Variants in CTNNA3 observed in about 807,000 individuals in gnomAD.
The protein encoded by CTNNA3 is catenin alpha 3.
In CTNNA3, 76 loss-of-function variants were observed where a neutral mutation model predicts 95.7. The ratio of observed to expected loss-of-function variants is 0.79; its 90% CI spans 0.66 to 0.96. The LOEUF (loss-of-function observed/expected upper bound fraction) is 0.96, where lower values mean the gene tolerates loss of function less well. Ranked by LOEUF, CTNNA3 falls within the 40% of genes least tolerant of loss-of-function variation. CTNNA3 has a pLI of 0.00. For missense variants in CTNNA3, 1,191 were observed against 1,089.8 expected, an observed-to-expected ratio of 1.09 and a Z score of -1.31; for synonymous variants, 431 against 374.4, an observed-to-expected ratio of 1.15 and a Z score of -1.74.
chr10:67,139,910 C>G lies in CTNNA3; in HGVS notation c.1047+40407G>C, dbSNP rs180910688. Among the ~76,000 whole-genome samples, 194 of 152,276 alleles carry G rather than the reference C, an allele frequency of 1.3e-3. 1 individual carries two copies. Among genetic ancestry groups the G allele is most frequent in the Admixed American group, 2.7e-3 (42 of 15,300 alleles). ...AGCTTCCATTAACTCAAAGGGAAAT[C>G]TCTGAGAAGTATTAATGTTTCCTAA... On this transcript the variant is annotated intron_variant, in intron 7 of 17. Coordinates refer to ENST00000433211, the MANE Select transcript of CTNNA3 (RefSeq NM_013266.4).
intron 15 of CTNNA3, among the ~76,000 whole-genome samples, chr10:66,044,648 T>C (rs1464513410): frequency 6.6e-6 from 1 of 152,174 alleles, no homozygotes; most frequent in East Asian, 1.9e-4. Flanking sequence ...AACTTTTTCA[T>C]CGTCCAGCTA....
chr10:67,329,747 A>G (rs1274840336), intron 5 of CTNNA3, among the ~76,000 whole-genome samples: 1 of 152,238 alleles, frequency 6.6e-6, no homozygotes, highest in Non-Finnish European at 1.5e-5. Context: ...TTAAGTAGGT[A>G]TGAAATGAGC....
At chr10:66,930,476 C>G (rs182666044) in intron 7 of CTNNA3, among the ~76,000 whole-genome samples, 147 of 152,172 alleles carry the variant, frequency 9.7e-4, no homozygotes, top group African/African-American at 3.3e-3. Flanking sequence ...CTTTGGCTAG[C>G]CTCATTTTTA....
intron 1 of CTNNA3, among the ~76,000 whole-genome samples, chr10:67,724,802 G>T (rs550328703): frequency 6.6e-6 from 1 of 152,184 alleles, no homozygotes; most frequent in African/African-American, 2.4e-5. Flanking sequence ...GCATAAATTT[G>T]CTGCCTTCAT....
At chr10:66,807,348 A>C (rs1564696061) in intron 7 of CTNNA3, among the ~76,000 whole-genome samples, 1 of 152,010 alleles carries the variant, frequency 6.6e-6, no homozygotes, top group Non-Finnish European at 1.5e-5. Flanking sequence ...CTTATTCTCC[A>C]TTTTCTACAT....
intron 11 of CTNNA3, among the ~76,000 whole-genome samples, chr10:66,432,267 C>A (rs1396736678): frequency 6.6e-6 from 1 of 152,030 alleles, no homozygotes; most frequent in African/African-American, 2.4e-5. Flanking sequence ...CAGAAGAAAG[C>A]CACAATTAAA....
intron 5 of CTNNA3, among the ~76,000 whole-genome samples, chr10:67,312,500 G>A (rs1371225732): frequency 6.6e-6 from 1 of 152,220 alleles, no homozygotes; most frequent in Non-Finnish European, 1.5e-5. Context: ...ATTCTACACA[G>A]AGGGAGGAAA....
At chr10:66,433,068 T>C (rs530547101) in intron 11 of CTNNA3, among the ~76,000 whole-genome samples, 2 of 152,306 alleles carry the variant, frequency 1.3e-5, no homozygotes, top group East Asian at 3.9e-4. Flanking sequence ...TTTGGGTTGG[T>C]TCCAAGTCTT....
intron 9 of CTNNA3, among the ~76,000 whole-genome samples, chr10:66,749,014 A>AAG (rs1168156804): frequency 6.6e-6 from 1 of 151,390 alleles, no homozygotes; most frequent in East Asian, 1.9e-4. Flanking sequence ...TCTTCCAAAA[A>AAG]AAAAAAAATA....
In CTNNA3 at chr10:66,904,874, G is replaced by T. The variant is rs569490086; in HGVS notation, c.1048-129350C>A. ...ATCATTAAAAAGTCAGGAAACAACAGATGCTGGAGAGGATGTGGAGAAATA... is the reference window on the plus strand; with the variant it reads ...ATCATTAAAAAGTCAGGAAACAACATATGCTGGAGAGGATGTGGAGAAATA... On this transcript the variant is annotated intron_variant, in intron 7 of 17. Coordinates refer to ENST00000433211, the MANE Select transcript of CTNNA3 (RefSeq NM_013266.4). Among the ~76,000 whole-genome samples the T allele has an allele frequency of 2.6e-5, 4 of 152,284 alleles. No individual in the cohort carries two copies. In the East Asian group the frequency reaches 7.7e-4, roughly 29 times the overall value.
intron 5 of CTNNA3, among the ~76,000 whole-genome samples, chr10:67,491,439 C>T (rs974299218): frequency 1.6e-4 from 25 of 152,108 alleles, no homozygotes; most frequent in African/African-American, 5.8e-4. Context: ...GAAATCCTTT[C>T]GAAACACCAT....
At chr10:67,396,304 C>G (rs1353334878) in intron 5 of CTNNA3, among the ~76,000 whole-genome samples, 1 of 151,974 alleles carries the variant, frequency 6.6e-6, no homozygotes, top group East Asian at 1.9e-4. Flanking sequence ...AAAGAACATT[C>G]AAATAAAATA....
intron 9 of CTNNA3, among the ~76,000 whole-genome samples, chr10:66,644,128 C>A (rs1845610011): frequency 6.6e-6 from 1 of 151,806 alleles, no homozygotes; most frequent in Admixed American, 6.6e-5. Flanking sequence ...CATGGTGGCA[C>A]ATGCCTGTAG....
At chr10:67,718,990 T>A (rs1015982479) in intron 1 of CTNNA3, among the ~76,000 whole-genome samples, 8 of 152,184 alleles carry the variant, frequency 5.3e-5, no homozygotes, top group Admixed American at 2.6e-4. Flanking sequence ...AACTTGTTAT[T>A]GGTCTATTCA....
At position 67,647,596 on chromosome 10, in the gene CTNNA3, T is replaced by C. The variant is rs1040915516; in HGVS notation, c.-5-78A>G. On this transcript the variant is annotated intron_variant, in intron 1 of 17. Transcript: ENST00000433211. ...GAAGAACACTTATGAAATCATGGAA[T>C]AGGTAAAACTTGTATTCAGCACCTC... The C allele has an allele frequency of 2.2e-5, 26 of 1,166,326 alleles. 1 individual carries two copies. Among genetic ancestry groups the C allele is most frequent in the African/African-American group, 4.6e-5 (3 of 65,520 alleles). 72.2% of individuals were successfully genotyped at this position (1,166,326 alleles called of 1,614,324 possible).
chr10:66,777,777 ACACACACACACACACACACATG>A (rs1400690850), intron 7 of CTNNA3, among the ~76,000 whole-genome samples: 1 of 123,500 alleles, frequency 8.1e-6, no homozygotes, highest in African/African-American at 2.8e-5. Flanking sequence ...ACACACACAC[ACACACACACACACACACACATG>A]CACACACACA....
At chr10:67,553,659 G>C (rs1465455811) in intron 3 of CTNNA3, among the ~76,000 whole-genome samples, 1 of 151,870 alleles carries the variant, frequency 6.6e-6, no homozygotes, top group South Asian at 2.1e-4. Flanking sequence ...GGATGGAAGA[G>C]ATATACAAAA....
At chr10:66,362,779 T>G (rs2092686071) in intron 12 of CTNNA3, among the ~76,000 whole-genome samples, 1 of 152,104 alleles carries the variant, frequency 6.6e-6, no homozygotes, top group African/African-American at 2.4e-5. Flanking sequence ...TCAGATAGCT[T>G]TGCTCTGAGA....
Position 66,055,657 on chromosome 10 carries a change from C to T in CTNNA3, c.2159+13651G>A, listed in dbSNP as rs189550600. 7.5e-4 allele frequency among the ~76,000 whole-genome samples: 114 copies of T among 152,214 alleles called. 1 individual carries two copies. The East Asian group carries it at 0.017, about 23-fold the overall frequency. ...ATAAAAAATCGGCCGGGCGTGATGG[C>T]TTACGCCTGTAATACCAGCACTTCG... On this transcript the variant is annotated intron_variant, in intron 15 of 17. Coordinates refer to ENST00000433211, the MANE Select transcript of CTNNA3 (RefSeq NM_013266.4).
Sources: allele counts gnomAD v4.1 joint callset (sites outside exome capture counted in the v4.1 genomes callset), GRCh38; gene constraint gnomAD v4.1.1; transcripts MANE v1.5; gene names NCBI Gene and HGNC (gene_info 2026-07-23, HGNC 2026-07-21).